The following P4HA1 variants were observed in gnomAD, a reference collection of about 807,000 sequenced individuals.
The protein encoded by P4HA1 is prolyl 4-hydroxylase subunit alpha-1.
A neutral mutation model predicts 72.8 loss-of-function variants in P4HA1; 24 were observed. The ratio of observed to expected loss-of-function variants is 0.33; its 90% CI spans 0.24 to 0.46. The LOEUF (loss-of-function observed/expected upper bound fraction) is 0.46. P4HA1 is among the 20% of genes least tolerant of loss of function. The pLI, the probability that P4HA1 is intolerant of heterozygous loss-of-function variation, is 1.00. For missense variants in P4HA1, 446 were observed against 640.6 expected (o/e 0.70, Z 3.28); for synonymous variants, 201 against 218.8 (o/e 0.92, Z 0.72).
intron 9 of P4HA1, among the ~76,000 whole-genome samples, chr10:73,040,421 G>A (rs1161219679): frequency 6.6e-6 from 1 of 151,022 alleles, no homozygotes; most frequent in Non-Finnish European, 1.5e-5. Context: ...AAGGGTCATT[G>A]CATACATAGA....
At chr10:73,028,242 CAG>C (rs1840337554) in intron 10 of P4HA1, among the ~76,000 whole-genome samples, 1 of 145,848 alleles carries the variant, frequency 6.9e-6, no homozygotes, top group Non-Finnish European at 1.5e-5. Context: ...GAAAAAAAAA[CAG>C]AAGAAAAGAC....
chr10:73,016,828 C>T lies in P4HA1; in HGVS notation c.1302+18G>A. On this transcript the variant is annotated intron_variant, in intron 11 of 14. Transcript: ENST00000394890. ...ATGCATAAGCCTCAGTGAATTTCTC[C>T]ATTTCTTTTTCACTTACCCGTGCAA... The T allele has an allele frequency of 6.3e-7, 1 of 1,578,296 alleles. No individual in the cohort carries two copies. Among genetic ancestry groups the T allele is most frequent in the Non-Finnish European group, 8.7e-7 (1 of 1,148,080 alleles).
chr10:73,048,872 C>G (rs569839137), intron 7 of P4HA1, among the ~76,000 whole-genome samples: 1 of 152,072 alleles, frequency 6.6e-6, no homozygotes, highest in African/African-American at 2.4e-5. Flanking sequence ...CAGTGGCTCA[C>G]GCCTGTAATC....
intron 5 of P4HA1, chr10:73,065,550 C>T (rs1841401259): frequency 6.6e-6 from 1 of 152,142 alleles, no homozygotes; most frequent in African/African-American, 2.4e-5. Flanking sequence ...TCACCCCCAC[C>T]ATTTCACACC....
At position 73,053,373 on chromosome 10, in the gene P4HA1, G is replaced by A. The variant is rs568319415; in HGVS notation, c.681C>T (p.Leu227=). 1 of 1,614,084 alleles carries A rather than the reference G, an allele frequency of 6.2e-7. No homozygotes were observed. Among genetic ancestry groups the A allele is most frequent in the Middle Eastern group, 1.6e-4 (1 of 6,062 alleles). The part of the protein sequence containing the change: ...QQGDLDKALL[L]TKKLLELDPE... ...TACCTAGTTCAAGAAGCTTCTTTGT[G>A]AGCAAAAGTGCCTTATCCAGGTCTC... is the stretch of plus-strand genomic sequence containing the variant. The change falls in exon 6 of 15, where the codon CTC becomes CTT. Residue 227 remains leucine, a synonymous_variant. Coordinates refer to ENST00000394890, the MANE Select transcript of P4HA1 (RefSeq NM_001017962.3).
intron 5 of P4HA1, among the ~76,000 whole-genome samples, chr10:73,056,137 G>A (rs1036367569): frequency 9.9e-5 from 15 of 152,104 alleles, no homozygotes; most frequent in African/African-American, 3.4e-4. Flanking sequence ...TTAGTACTAG[G>A]GGTTGGGGAC....
intron 1 of P4HA1, among the ~76,000 whole-genome samples, chr10:73,087,905 T>C (rs1328419133): frequency 1.3e-5 from 2 of 152,188 alleles, no homozygotes; most frequent in African/African-American, 4.8e-5. Flanking sequence ...CAGAATTTCT[T>C]AATTTTGATG....
At chr10:73,091,577 C>G (rs1395608590) in intron 1 of P4HA1, among the ~76,000 whole-genome samples, 1 of 152,180 alleles carries the variant, frequency 6.6e-6, no homozygotes, top group African/African-American at 2.4e-5. Flanking sequence ...ATCAGTTAAT[C>G]AATATTTAAT....
intron 8 of P4HA1, among the ~76,000 whole-genome samples, chr10:73,045,761 C>A (rs1840841404): frequency 6.6e-6 from 1 of 151,560 alleles, no homozygotes; most frequent in African/African-American, 2.4e-5. Context: ...ATTGAGGAAT[C>A]TCCAGAATAT....
At chr10:73,054,050 G>A (rs1036645326) in intron 5 of P4HA1, among the ~76,000 whole-genome samples, 2 of 152,028 alleles carry the variant, frequency 1.3e-5, no homozygotes, top group Admixed American at 6.6e-5. Context: ...CTGAGTAGCT[G>A]GGATTATAGG....
At chr10:73,023,905 A>G (rs2133050712) in intron 10 of P4HA1, among the ~76,000 whole-genome samples, 1 of 152,286 alleles carries the variant, frequency 6.6e-6, no homozygotes, top group Admixed American at 6.5e-5. Context: ...GCCATTACGT[A>G]ATGGTATAGG....
intron 10 of P4HA1, among the ~76,000 whole-genome samples, chr10:73,018,148 C>T (rs1840051292): frequency 6.6e-6 from 1 of 152,194 alleles, no homozygotes; most frequent in African/African-American, 2.4e-5. Context: ...TCCCCCAACT[C>T]CCTGAGGCAG....
Position 73,072,127 on chromosome 10 carries a change from C to T in P4HA1, c.227G>A (p.Gly76Glu), listed in dbSNP as rs765085101. Reference sequence around the variant, plus strand: ...TGCATTTACTGGATGCCCAACAAATCCTTCTGGATCTTTTGTCGCTGTACT... The same window carrying T: ...TGCATTTACTGGATGCCCAACAAATTCTTCTGGATCTTTTGTCGCTGTACT... ...LTSTATKDPE[G>E]FVGHPVNAFK... is the part of the protein sequence containing the mutation. Residue 76 changes from glycine to glutamate, a missense_variant, in exon 4 of 15, where the codon GGA (glycine) becomes GAA (glutamate). Gly to Glu is a moderately conservative substitution (Grantham distance 98). Coordinates refer to ENST00000394890, the MANE Select transcript of P4HA1 (RefSeq NM_001017962.3). 2 of 1,613,490 alleles carry T rather than the reference C, an allele frequency of 1.2e-6. No individual in the cohort carries two copies. The highest frequency in any genetic ancestry group is 1.7e-6 in the Non-Finnish European group (2 of 1,179,530).
Position 73,009,844 on chromosome 10 carries a change from C to G in P4HA1, c.1497G>C (p.Arg499=), listed in dbSNP as rs748796556. 2.8e-5 allele frequency: 45 copies of G among 1,609,896 alleles called. No individual in the cohort carries two copies. Among genetic ancestry groups the G allele is most frequent in the Non-Finnish European group, 3.8e-5 (45 of 1,176,330 alleles). The change falls in exon 14 of 15, where the codon CGG becomes CGC. Residue 499 remains arginine (R), a synonymous_variant. Transcript: ENST00000394890. The part of the protein sequence containing the change: ...FASGEGDYST[R]HAACPVLVGN... ...CAACTAGCACTGGACAGGCTGCATGCCGTGTACTATAATCTCCTTCTCCAC... is the reference window on the plus strand; with the variant it reads ...CAACTAGCACTGGACAGGCTGCATGGCGTGTACTATAATCTCCTTCTCCAC...
intron 14 of P4HA1, 78 bp downstream of exon 14, chr10:73,009,729 G>GT (rs954084922): frequency 8.7e-6 from 7 of 806,672 alleles, no homozygotes; most frequent in Non-Finnish European, 1.4e-5. Flanking sequence ...GGGGGCTTTT[G>GT]TTTTTAAGAC....
intron 2 of P4HA1, 189 bp from the exon 3 acceptor site, chr10:73,074,016 T>C (rs1841631459): frequency 1.8e-6 from 1 of 564,998 alleles, no homozygotes; most frequent in Non-Finnish European, 3.1e-6. Context: ...TAATCAACTG[T>C]TCCAGTTCTA....
At chr10:73,094,161 A>T (rs560643752) in intron 1 of P4HA1, among the ~76,000 whole-genome samples, 7 of 152,176 alleles carry the variant, frequency 4.6e-5, no homozygotes, top group African/African-American at 1.4e-4. Context: ...ATACTTTCAC[A>T]GACTAGACAA....
At chr10:73,036,865 G>C (rs1840586776) in intron 9 of P4HA1, among the ~76,000 whole-genome samples, 1 of 152,148 alleles carries the variant, frequency 6.6e-6, no homozygotes, top group Admixed American at 6.6e-5. Context: ...CTAAAATTCA[G>C]TGGAGACCAT....
intron 9 of P4HA1, among the ~76,000 whole-genome samples, chr10:73,042,644 C>T (rs1840764006): frequency 6.7e-6 from 1 of 150,292 alleles, no homozygotes; most frequent in South Asian, 2.1e-4. Flanking sequence ...GGACATTTTA[C>T]ATCTTTTTTT....
Sources: gnomAD v4.1 joint callset for allele counts (sites outside exome capture counted in the v4.1 genomes callset) on GRCh38, gnomAD v4.1.1 for gene constraint, MANE v1.5 for transcripts, NCBI Gene and HGNC (gene_info 2026-07-23, HGNC 2026-07-21) for gene names.